The following PTPN2 variants were observed in gnomAD, a reference collection of about 807,000 sequenced individuals.
PTPN2 encodes the protein protein tyrosine phosphatase non-receptor type 2.
PTPN2 carries 19 observed loss-of-function variants against 57.3 expected under a neutral mutation model. The ratio of observed to expected loss-of-function variants is 0.33; its 90% CI spans 0.23 to 0.49. The LOEUF is 0.49. PTPN2 is among the 20% of genes least tolerant of loss of function. The pLI is 0.99. For missense variants in PTPN2, 358 were observed against 501.1 expected, an observed-to-expected ratio of 0.71 and a Z score of 2.73; for synonymous variants, 153 against 164.9, an observed-to-expected ratio of 0.93 and a Z score of 0.55.
intron 7 of PTPN2, among the ~76,000 whole-genome samples, chr18:12,812,437 T>C (rs972509133): frequency 2.0e-5 from 3 of 152,064 alleles, no homozygotes; most frequent in Non-Finnish European, 2.9e-5. Context: ...CCATCTCTAC[T>C]AAAAATGCAA....
intron 1 of PTPN2, among the ~76,000 whole-genome samples, chr18:12,873,267 CTCTCCCCACGGTCTCCG>C (rs574699926): frequency 0.071 from 10,678 of 151,408 alleles, 441 homozygotes; most frequent in Middle Eastern, 0.17. Flanking sequence ...CCTCCTCTCC[CTCTCCCCACGGTCTCCG>C]TCTCCCCACG....
chr18:12,859,088 GCCCT>G (rs1287823208), intron 2 of PTPN2, 72 bp downstream of exon 2: 1 of 1,059,216 alleles, frequency 9.4e-7, no homozygotes, highest in East Asian at 2.4e-5. Flanking sequence ...CTGACCCCAA[GCCCT>G]CCTTTTCACT....
chr18:12,789,612 C>T (rs756251754), downstream of PTPN2, among the ~76,000 whole-genome samples: 6 of 152,174 alleles, frequency 3.9e-5, no homozygotes, highest in South Asian at 2.1e-4. Context: ...ATCTCCCCTG[C>T]AGGGTGCAAC....
At chr18:12,843,816 T>C (rs767380167) in intron 2 of PTPN2, 3 of 152,400 alleles carry the variant, frequency 2.0e-5, no homozygotes, top group Admixed American at 6.5e-5. Context: ...TTATTTTGAT[T>C]TCTCCAGTTC....
At chr18:12,800,962 C>T (rs1366170955) in intron 8 of PTPN2, among the ~76,000 whole-genome samples, 1 of 152,146 alleles carries the variant, frequency 6.6e-6, no homozygotes, top group Non-Finnish European at 1.5e-5. Flanking sequence ...TCCAGTAATG[C>T]AATTAAGCTT....
chr18:12,838,258 A>C (rs749259546), intron 2 of PTPN2, among the ~76,000 whole-genome samples: 2 of 152,218 alleles, frequency 1.3e-5, no homozygotes, highest in Non-Finnish European at 2.9e-5. Context: ...TGCACAACTG[A>C]AAACAGCCAT....
chr18:12,876,538 G>C (rs1263012999), intron 1 of PTPN2, among the ~76,000 whole-genome samples: 1 of 152,120 alleles, frequency 6.6e-6, no homozygotes, highest in African/African-American at 2.4e-5. Context: ...GGAGACAAAC[G>C]CAACTATCTG....
chr18:12,799,391 T>G, intron 8 of PTPN2, among the ~76,000 whole-genome samples: 1 of 150,252 alleles, frequency 6.7e-6, no homozygotes, highest in East Asian at 2.0e-4. Flanking sequence ...CACTTCAGCC[T>G]GGGTGACAGA....
intron 7 of PTPN2, among the ~76,000 whole-genome samples, chr18:12,803,032 A>G (rs1598743832): frequency 6.6e-6 from 1 of 152,330 alleles, no homozygotes; most frequent in East Asian, 1.9e-4. Flanking sequence ...AAAAATGGTT[A>G]ATGGTAACTA....
chr18:12,785,748 A>G, exon 10 of PTPN2: 2 of 1,369,054 alleles, frequency 1.5e-6, no homozygotes, highest in Non-Finnish European at 2.1e-6. Context: ...TAGTTTCCGG[A>G]GTGGGCTTCA....
At chr18:12,884,050 T>A in intron 1 of PTPN2, 23 bp downstream of exon 1, 1 of 1,556,578 alleles carries the variant, frequency 6.4e-7, no homozygotes, top group Non-Finnish European at 8.7e-7. Flanking sequence ...GGTCGGCGAC[T>A]GCCGCGTGGG....
chr18:12,820,104 T>C (rs2042220991), intron 5 of PTPN2, among the ~76,000 whole-genome samples: 1 of 152,014 alleles, frequency 6.6e-6, no homozygotes, highest in African/African-American at 2.4e-5. Context: ...TTCTCTTTGC[T>C]TGTATGATTT....
chr18:12,847,016 T>C (rs975628409), intron 2 of PTPN2, among the ~76,000 whole-genome samples: 7 of 148,472 alleles, frequency 4.7e-5, no homozygotes, highest in African/African-American at 1.5e-4. Flanking sequence ...TACTACCCTA[T>C]GACAAAACTA....
At chr18:12,795,105 G>A (rs1312576386) in intron 8 of PTPN2, among the ~76,000 whole-genome samples, 2 of 152,198 alleles carry the variant, frequency 1.3e-5, no homozygotes, top group East Asian at 3.9e-4. Context: ...AGGAGCAGGA[G>A]TGGGAAGACA....
chr18:12,801,933 A>AG (rs745541450), intron 8 of PTPN2, 37 bp downstream of exon 8: 22 of 1,512,264 alleles, frequency 1.5e-5, no homozygotes, highest in Admixed American at 4.5e-5. Flanking sequence ...AAAATAAAAA[A>AG]GCCTCATCTT....
Position 12,859,152 on chromosome 18 carries a change from A to G in PTPN2, c.160+12T>C. On this transcript the variant is annotated intron_variant, in intron 2 of 8. Coordinates refer to ENST00000309660, the MANE Select transcript of PTPN2 (RefSeq NM_002828.4). ...AAAAAATACACATGCACACAAACCCACAAGTACTTACATGGGCTTACATCT... is the reference window on the plus strand; with the variant it reads ...AAAAAATACACATGCACACAAACCCGCAAGTACTTACATGGGCTTACATCT... The G allele has an allele frequency of 6.2e-7, 1 of 1,606,052 alleles. No individual in the cohort carries two copies. The highest frequency in any genetic ancestry group is 8.5e-7 in the Non-Finnish European group (1 of 1,173,430).
chr18:12,812,457 G>A (rs2041923457), intron 7 of PTPN2, among the ~76,000 whole-genome samples: 1 of 152,146 alleles, frequency 6.6e-6, no homozygotes, highest in South Asian at 2.1e-4. Flanking sequence ...AAATTAGCCA[G>A]GAGTGGTGGC....
At chr18:12,870,199 C>G (rs1206024959) in intron 1 of PTPN2, among the ~76,000 whole-genome samples, 1 of 146,282 alleles carries the variant, frequency 6.8e-6, no homozygotes, top group African/African-American at 2.6e-5. Flanking sequence ...ACTCAACTTC[C>G]AAGATTTATA....
At chr18:12,828,216 T>C (rs188303373) in intron 4 of PTPN2, among the ~76,000 whole-genome samples, 38 of 152,292 alleles carry the variant, frequency 2.5e-4, no homozygotes, top group African/African-American at 8.7e-4. Context: ...ATCACTGACA[T>C]GTAAAAAAAT....
Sources: gnomAD v4.1 joint callset for allele counts (sites outside exome capture counted in the v4.1 genomes callset) on GRCh38, gnomAD v4.1.1 for gene constraint, MANE v1.5 for transcripts, NCBI Gene and HGNC (gene_info 2026-07-23, HGNC 2026-07-21) for gene names.